ANKS1B: variants seen among roughly 807,000 people sequenced by gnomAD.
ANKS1B encodes the protein ankyrin repeat and sterile alpha motif domain-containing protein 1B.
ANKS1B carries 36 observed loss-of-function variants against 148.3 expected under a neutral mutation model. That is an observed-to-expected ratio of 0.24 (90% CI 0.19 to 0.32). ANKS1B has a LOEUF of 0.32. Among genes scored for constraint, ANKS1B ranks in the 10% least tolerant of loss-of-function variants. The probability of loss-of-function intolerance (pLI) is 1.00; values close to 1 mark genes in which losing one functional copy is unlikely to be tolerated. For missense variants in ANKS1B, 1,157 were observed against 1,542.6 expected (o/e 0.75, Z 4.19); for synonymous variants, 542 against 560.8 (o/e 0.97, Z 0.47).
intron 8 of ANKS1B, among the ~76,000 whole-genome samples, chr12:99,705,076 T>G (rs962233068): frequency 5.3e-5 from 8 of 152,074 alleles, no homozygotes; most frequent in Non-Finnish European, 1.2e-4. Flanking sequence ...AGAGGACTCA[T>G]GAATTCCATA....
At chr12:99,649,384 A>G (rs762986115) in intron 9 of ANKS1B, 2 of 1,613,664 alleles carry the variant, frequency 1.2e-6, no homozygotes, top group Non-Finnish European at 1.7e-6. Context: ...TTGTGATTAT[A>G]CAATAGAGAT....
At chr12:99,038,972 A>G (rs1206235650) in intron 17 of ANKS1B, among the ~76,000 whole-genome samples, 14 of 152,082 alleles carry the variant, frequency 9.2e-5, no homozygotes, top group Admixed American at 9.2e-4. Flanking sequence ...TTACCTGCTT[A>G]TTGTCTTTGT....
rs118029699 is a variant in ANKS1B, at chr12:99,730,130, T to G, written c.1128+42792A>C. Among the ~76,000 whole-genome samples the G allele has an allele frequency of 3.9e-4, 60 of 152,346 alleles. No homozygotes were observed. In the East Asian group the frequency reaches 9.3e-3, roughly 24 times the overall value. On this transcript the variant is annotated intron_variant, in intron 8 of 26. Coordinates refer to ENST00000683438, the MANE Select transcript of ANKS1B (RefSeq NM_001352186.2). ...AGTGCCAGCTGATTTATGTACTGCT[T>G]TCAACAATACTGTGGTGCTTAAATT...
At chr12:98,847,482 C>T (rs1487139835) in intron 17 of ANKS1B, among the ~76,000 whole-genome samples, 1 of 152,156 alleles carries the variant, frequency 6.6e-6, no homozygotes, top group Non-Finnish European at 1.5e-5. Flanking sequence ...GGTATGTATA[C>T]ACTACATTTT....
At chr12:98,838,975 G>A (rs540124282) in intron 17 of ANKS1B, among the ~76,000 whole-genome samples, 7 of 152,134 alleles carry the variant, frequency 4.6e-5, no homozygotes, top group African/African-American at 9.7e-5. Context: ...ATTCCATTTC[G>A]AATTCCTGCA....
chr12:99,970,118 T>C (rs537712392), intron 1 of ANKS1B, among the ~76,000 whole-genome samples: 10 of 152,320 alleles, frequency 6.6e-5, no homozygotes, highest in African/African-American at 2.2e-4. Flanking sequence ...CAAATTTTAG[T>C]GCACATAAGA....
rs2076459605 is a variant in ANKS1B, at chr12:99,159,840, C to CAGT, written c.2420-5446_2420-5445insACT. 5.3e-5 allele frequency among the ~76,000 whole-genome samples: 8 copies of CAGT among 152,274 alleles called. No individual in the cohort carries two copies. The South Asian group carries it at 1.7e-3, about 32-fold the overall frequency. On this transcript the variant is annotated intron_variant, in intron 14 of 26. Transcript: ENST00000683438. ...ACAGAGTCTGAACTAAGTGACATTCCCATCAACAGTGTATAAGTGTCCCTT... is the reference window on the plus strand; with the variant it reads ...ACAGAGTCTGAACTAAGTGACATTCCAGTCATCAACAGTGTATAAGTGTCCCTT...
intron 8 of ANKS1B, among the ~76,000 whole-genome samples, chr12:99,676,145 G>A (rs1220269422): frequency 4.6e-5 from 7 of 152,088 alleles, no homozygotes; most frequent in African/African-American, 1.7e-4. Context: ...CTGCTGCCAT[G>A]TGAAGAAGGA....
chr12:99,632,752 TATATATATATA>T (rs2098179245), intron 9 of ANKS1B, among the ~76,000 whole-genome samples: 12 of 112,292 alleles, frequency 1.1e-4, no homozygotes, highest in African/African-American at 3.5e-4. Context: ...TATATATATA[TATATATATATA>T]TATATTTTAA....
chr12:98,878,022 C>T (rs1033299658), intron 17 of ANKS1B, among the ~76,000 whole-genome samples: 4 of 151,902 alleles, frequency 2.6e-5, no homozygotes, highest in Admixed American at 2.0e-4. Context: ...TTTTCTTCTT[C>T]GAAATGGTTT....
chr12:98,966,327 T>G (rs532418233), intron 17 of ANKS1B, among the ~76,000 whole-genome samples: 26 of 152,118 alleles, frequency 1.7e-4, no homozygotes, highest in Non-Finnish European at 1.0e-4. Flanking sequence ...ATCAGAGAAA[T>G]GCAAATCAAA....
At chr12:98,870,648 C>T (rs967727737) in intron 17 of ANKS1B, among the ~76,000 whole-genome samples, 6 of 152,204 alleles carry the variant, frequency 3.9e-5, no homozygotes, top group Admixed American at 1.3e-4. Flanking sequence ...GAGGTGGTGA[C>T]GCCCTAACCA....
At chr12:99,844,781 T>C (rs1171022474) in intron 1 of ANKS1B, among the ~76,000 whole-genome samples, 1 of 152,218 alleles carries the variant, frequency 6.6e-6, no homozygotes, top group Admixed American at 6.5e-5. Flanking sequence ...AGAATGTCAA[T>C]GGTAGTTTAA....
At chr12:99,906,804 A>G (rs1382687404) in intron 1 of ANKS1B, among the ~76,000 whole-genome samples, 1 of 152,214 alleles carries the variant, frequency 6.6e-6, no homozygotes, top group Non-Finnish European at 1.5e-5. Flanking sequence ...CTTCCATTCA[A>G]CAAATATTTA....
At chr12:99,460,884 C>A (rs1205548089) in intron 10 of ANKS1B, among the ~76,000 whole-genome samples, 1 of 151,940 alleles carries the variant, frequency 6.6e-6, no homozygotes, top group Non-Finnish European at 1.5e-5. Flanking sequence ...TCCAACAATC[C>A]CACTCCTGGG....
At chr12:99,789,255 C>T (rs1003628725) in intron 4 of ANKS1B, among the ~76,000 whole-genome samples, 3 of 152,160 alleles carry the variant, frequency 2.0e-5, no homozygotes, top group Non-Finnish European at 2.9e-5. Context: ...TCCAAGACCA[C>T]CAAGGCAATA....
chr12:99,958,498 T>A (rs975533872), intron 1 of ANKS1B, among the ~76,000 whole-genome samples: 3 of 152,140 alleles, frequency 2.0e-5, no homozygotes, highest in Admixed American at 1.3e-4. Context: ...TCCTCCCACC[T>A]CAGCCCCCCA....
At chr12:99,780,063 A>G in intron 5 of ANKS1B, 91 bp from the exon 6 acceptor site, 2 of 898,860 alleles carry the variant, frequency 2.2e-6, no homozygotes, top group Non-Finnish European at 3.5e-6. Context: ...TTTCAGACAT[A>G]TACAGACCAA....
At chr12:99,279,782 G>C (rs1159258491) in intron 12 of ANKS1B, among the ~76,000 whole-genome samples, 1 of 152,116 alleles carries the variant, frequency 6.6e-6, no homozygotes, top group Non-Finnish European at 1.5e-5. Flanking sequence ...GGGAGGCCAA[G>C]GTGGGTGGAT....
Sources: gnomAD v4.1 joint callset for allele counts (sites outside exome capture counted in the v4.1 genomes callset) on GRCh38, gnomAD v4.1.1 for gene constraint, MANE v1.5 for transcripts, NCBI Gene and HGNC (gene_info 2026-07-23, HGNC 2026-07-21) for gene names.